The following PHACTR3 variants were observed in gnomAD, a reference collection of about 807,000 sequenced individuals.
The protein encoded by PHACTR3 is protein phosphatase 1, regulatory subunit 123.
Under a neutral mutation model 66.8 loss-of-function variants are expected in PHACTR3, and 16 were observed. The observed-to-expected ratio is 0.24, with a 90% CI of 0.16 to 0.36. PHACTR3 has a LOEUF of 0.36. Among genes scored for constraint, PHACTR3 ranks in the 10% least tolerant of loss-of-function variants. PHACTR3 has a pLI of 1.00. For synonymous variants in PHACTR3, 323 were observed against 292.1 expected (o/e 1.11, Z -1.08); for missense variants, 647 against 719.9 (o/e 0.90, Z 1.16).
At chr20:59,686,285 T>C (rs529019076) in intron 1 of PHACTR3, among the ~76,000 whole-genome samples, 125 of 152,340 alleles carry the variant, frequency 8.2e-4, no homozygotes, top group African/African-American at 2.6e-3. Flanking sequence ...CTAGTATTTA[T>C]TAGCCAAGTG....
At chr20:59,703,691 G>C (rs931392452) in intron 1 of PHACTR3, among the ~76,000 whole-genome samples, 1 of 147,268 alleles carries the variant, frequency 6.8e-6, no homozygotes, top group African/African-American at 2.7e-5. Context: ...TTTCCTTGGG[G>C]TGTGTGTGTG....
At chr20:59,587,661 G>A (rs1018569480) in intron 1 of PHACTR3, among the ~76,000 whole-genome samples, 5 of 152,180 alleles carry the variant, frequency 3.3e-5, no homozygotes, top group African/African-American at 4.8e-5. Flanking sequence ...CTTCCTGCTC[G>A]TTCTGGTGGT....
At chr20:59,598,940 C>G (rs1050788227) in intron 1 of PHACTR3, among the ~76,000 whole-genome samples, 6 of 152,230 alleles carry the variant, frequency 3.9e-5, no homozygotes, top group Non-Finnish European at 8.8e-5. Flanking sequence ...CTTCTTGTTT[C>G]TCTTTAGATG....
chr20:59,843,579 T>TG (rs2059101316), intron 11 of PHACTR3: 1 of 152,054 alleles, frequency 6.6e-6, no homozygotes, highest in Admixed American at 6.6e-5. Context: ...GAACATAAAC[T>TG]GGGGAAAGGA....
chr20:59,788,268 G>C (rs979113727), intron 7 of PHACTR3, among the ~76,000 whole-genome samples: 6 of 152,126 alleles, frequency 3.9e-5, no homozygotes, highest in African/African-American at 1.4e-4. Flanking sequence ...CCACGTCATC[G>C]TACAGATGCG....
chr20:59,686,751 GATGATGGTGATGA>G (rs1421156648), intron 1 of PHACTR3, among the ~76,000 whole-genome samples: 20 of 149,192 alleles, frequency 1.3e-4, no homozygotes, highest in South Asian at 4.4e-4. Context: ...TGATGGTGAT[GATGATGGTGATGA>G]TGATGGTGAT....
intron 8 of PHACTR3, among the ~76,000 whole-genome samples, chr20:59,822,937 G>C (rs566775486): frequency 6.6e-6 from 1 of 152,282 alleles, no homozygotes; most frequent in Admixed American, 6.5e-5. Flanking sequence ...AGATGGAGAT[G>C]GGGAGGGGAA....
At chr20:59,581,281 T>C (rs2032848817) in intron 1 of PHACTR3, among the ~76,000 whole-genome samples, 1 of 152,224 alleles carries the variant, frequency 6.6e-6, no homozygotes, top group African/African-American at 2.4e-5. Context: ...AGTCATGATG[T>C]CCCGGCAGCT....
At chr20:59,804,182 A>G (rs1297183712) in intron 7 of PHACTR3, among the ~76,000 whole-genome samples, 2 of 152,200 alleles carry the variant, frequency 1.3e-5, no homozygotes, top group African/African-American at 4.8e-5. Context: ...TTGTGGTCCT[A>G]CTGTGTATCC....
chr20:59,815,432 G>T (rs56345768), intron 8 of PHACTR3, among the ~76,000 whole-genome samples: 24,595 of 129,214 alleles, frequency 0.19, 3,002 homozygotes, highest in African/African-American at 0.36. Context: ...TTTTTTTTTT[G>T]TTTTTTTTTT....
At chr20:59,690,981 C>CT (rs2037087945) in intron 1 of PHACTR3, among the ~76,000 whole-genome samples, 2 of 152,084 alleles carry the variant, frequency 1.3e-5, no homozygotes, top group Admixed American at 6.5e-5. Context: ...CTGGGAGAGG[C>CT]TTTTTTACAG....
In PHACTR3 at chr20:59,750,958, C is replaced by T. The variant is rs77379557; in HGVS notation, c.358+3123C>T. ...TCAAAAATGTCTTTTCTCACTGGGT[C>T]GACCTGAGGTCAGACCCTGTCTGTC... On this transcript the variant is annotated intron_variant, in intron 3 of 12. Transcript: ENST00000371015. Among the ~76,000 whole-genome samples the T allele has an allele frequency of 7.1e-3, 1,087 of 152,338 alleles. 8 individuals are homozygous for T. The highest frequency in any genetic ancestry group is 0.024 in the African/African-American group (1,009 of 41,582).
intron 1 of PHACTR3, among the ~76,000 whole-genome samples, chr20:59,687,286 T>A (rs1462707966): frequency 6.6e-6 from 1 of 151,684 alleles, no homozygotes; most frequent in Non-Finnish European, 1.5e-5. Context: ...CATAGTGGTG[T>A]TGGTGATGAT....
At chr20:59,621,138 T>G (rs2034220519) in intron 1 of PHACTR3, among the ~76,000 whole-genome samples, 1 of 152,234 alleles carries the variant, frequency 6.6e-6, no homozygotes, top group South Asian at 2.1e-4. Flanking sequence ...CCCCAGGGCC[T>G]CGCCTCTGCT....
intron 9 of PHACTR3, 42 bp downstream of exon 9, chr20:59,836,602 T>C: frequency 6.3e-7 from 1 of 1,588,446 alleles, no homozygotes; most frequent in Non-Finnish European, 8.6e-7. Flanking sequence ...CCTTCACGTG[T>C]GGTGAGGCTG....
chr20:59,705,329 A>G (rs1285786276), intron 1 of PHACTR3, among the ~76,000 whole-genome samples: 1 of 152,150 alleles, frequency 6.6e-6, no homozygotes, highest in African/African-American at 2.4e-5. Context: ...GGAGCACAAC[A>G]ATTTATTACG....
intron 7 of PHACTR3, among the ~76,000 whole-genome samples, chr20:59,804,040 G>A (rs2041496952): frequency 6.6e-6 from 1 of 152,160 alleles, no homozygotes; most frequent in African/African-American, 2.4e-5. Flanking sequence ...GGGTAGAAGG[G>A]TCACTCAAAT....
At position 59,708,295 on chromosome 20, in the gene PHACTR3, C is replaced by T. The variant is rs565621190; in HGVS notation, c.119-34812C>T. On this transcript the variant is annotated intron_variant, in intron 1 of 12. Coordinates refer to ENST00000371015, the MANE Select transcript of PHACTR3 (RefSeq NM_080672.5). ...CCATGGTGCCTGTGTCTCTCTAATTCGGCATGTTGATCATGGGATAGCAAA... is the reference window on the plus strand; with the variant it reads ...CCATGGTGCCTGTGTCTCTCTAATTTGGCATGTTGATCATGGGATAGCAAA... Among the ~76,000 whole-genome samples the T allele has an allele frequency of 1.1e-4, 17 of 152,278 alleles. 1 individual carries two copies. The highest frequency in any genetic ancestry group is 2.6e-4 in the Admixed American group (4 of 15,306).
At position 59,738,747 on chromosome 20, in the gene PHACTR3, G is replaced by A. The variant is rs1482756222; in HGVS notation, c.119-4360G>A. 3.3e-5 allele frequency among the ~76,000 whole-genome samples: 5 copies of A among 152,116 alleles called. No homozygotes were observed. Among genetic ancestry groups the A allele is most frequent in the African/African-American group, 1.2e-4 (5 of 41,442 alleles). On this transcript the variant is annotated intron_variant, in intron 1 of 12. Transcript: ENST00000371015. The surrounding 1 kb of genome is among the most constrained non-coding windows in gnomAD (Gnocchi z 4.4). ...CTTCATCCTTCAGCTGTGTATGTGT[G>A]TTTCTGGTGATTGCTGCCGATCCTT...
Sources: gnomAD v4.1 joint callset for allele counts (sites outside exome capture counted in the v4.1 genomes callset) on GRCh38, gnomAD v4.1.1 for gene constraint, Gnocchi (gnomAD v3.1) non-coding constraint, MANE v1.5 for transcripts, NCBI Gene and HGNC (gene_info 2026-07-23, HGNC 2026-07-21) for gene names.